The following FAM222A variants were observed in gnomAD, a reference collection of about 807,000 sequenced individuals.
The protein encoded by FAM222A is family with sequence similarity 222 member A, also known as protein FAM222A.
Under a neutral mutation model 25.8 loss-of-function variants are expected in FAM222A, and 7 were observed. That is an observed-to-expected ratio of 0.27 (90% confidence interval 0.15 to 0.51). The LOEUF is 0.51. FAM222A is among the 20% of genes least tolerant of loss of function. The probability of loss-of-function intolerance (pLI) is 0.97; values close to 1 mark genes in which losing one functional copy is unlikely to be tolerated. For synonymous variants in FAM222A, 294 were observed against 298.8 expected (o/e 0.98, Z 0.17); for missense variants, 573 against 640.5 (o/e 0.89, Z 1.14).
intron 1 of FAM222A, among the ~76,000 whole-genome samples, chr12:109,743,765 C>T (rs958847303): frequency 1.7e-4 from 26 of 152,268 alleles, no homozygotes; most frequent in Non-Finnish European, 1.0e-4. Context: ...CAGCCTGCTG[C>T]GGGGCACGGA....
chr12:109,767,852 G>A (rs1889100828), intron 2 of FAM222A, among the ~76,000 whole-genome samples, 160 bp from the exon 3 acceptor site: 1 of 152,334 alleles, frequency 6.6e-6, no homozygotes, highest in African/African-American at 2.4e-5. Context: ...GATGCAGGCA[G>A]TTCCCTGCAC....
intron 1 of FAM222A, among the ~76,000 whole-genome samples, chr12:109,743,555 C>G (rs937615356): frequency 1.8e-4 from 27 of 152,350 alleles, no homozygotes; most frequent in Admixed American, 1.6e-3. Context: ...CTTGTTCTCT[C>G]AGGAAAGCCA....
intron 1 of FAM222A, among the ~76,000 whole-genome samples, chr12:109,720,943 A>G (rs1887735068): frequency 1.3e-5 from 2 of 152,046 alleles, no homozygotes; most frequent in African/African-American, 4.8e-5. Context: ...CAGAGGTGGA[A>G]ACAATTACTT....
chr12:109,715,950 C>G (rs1887634832), intron 1 of FAM222A, among the ~76,000 whole-genome samples: 1 of 152,194 alleles, frequency 6.6e-6, no homozygotes, highest in Admixed American at 6.5e-5. Context: ...GGAGCTGCTG[C>G]CTGCTGCACC....
In FAM222A at chr12:109,728,822, G is replaced by A. The variant is rs549975367; in HGVS notation, c.-47+13925G>A. Among the ~76,000 whole-genome samples, 4 of 152,338 alleles carry A rather than the reference G, an allele frequency of 2.6e-5. No homozygotes were observed. In the South Asian group the frequency reaches 8.3e-4, roughly 32 times the overall value. On this transcript the variant is annotated intron_variant, in intron 1 of 2. Transcript: ENST00000538780. ...CAGACACAAACAGGTCAGTGACAGGGCTACACATCCAAGGATGGAATCAAG... is the reference window on the plus strand; with the variant it reads ...CAGACACAAACAGGTCAGTGACAGGACTACACATCCAAGGATGGAATCAAG...
At chr12:109,729,298 AAAAG>A (rs1887898291) in intron 1 of FAM222A, among the ~76,000 whole-genome samples, 1 of 152,248 alleles carries the variant, frequency 6.6e-6, no homozygotes, top group African/African-American at 2.4e-5. Flanking sequence ...GGCAAAGAAA[AAAAG>A]GTGTGGGCTG....
chr12:109,730,434 C>T (rs1887926395), intron 1 of FAM222A, among the ~76,000 whole-genome samples: 1 of 151,788 alleles, frequency 6.6e-6, no homozygotes, highest in South Asian at 2.1e-4. Flanking sequence ...CAGCCCACAC[C>T]ATTCATTTAG....
At chr12:109,750,071 A>T (rs1888520139) in intron 2 of FAM222A, among the ~76,000 whole-genome samples, 1 of 152,144 alleles carries the variant, frequency 6.6e-6, no homozygotes. Context: ...ATGTGGTCTT[A>T]GTTCAGTCAT....
chr12:109,762,292 G>C (rs746749374), intron 2 of FAM222A, among the ~76,000 whole-genome samples: 1 of 152,190 alleles, frequency 6.6e-6, no homozygotes, highest in African/African-American at 2.4e-5. Flanking sequence ...TGATGGTAGG[G>C]GCCATGGAAA....
chr12:109,741,774 G>C (rs1307484462), intron 1 of FAM222A, among the ~76,000 whole-genome samples: 1 of 152,212 alleles, frequency 6.6e-6, no homozygotes, highest in Non-Finnish European at 1.5e-5. Context: ...GGGTCACACA[G>C]GGTGTGCTGG....
Position 109,768,327 on chromosome 12 carries a change from G to T in FAM222A, c.398G>T (p.Arg133Leu), listed in dbSNP as rs779185499. The change falls in exon 3 of 3, where the codon CGG becomes CTG. Residue 133 changes from arginine to leucine, a missense_variant. Arg to Leu is a moderately radical substitution (Grantham distance 102). Around this residue, in one of 3 missense-constraint regions of FAM222A, gnomAD observed 412 missense variants for 407.0 expected, o/e 1.01. Coordinates refer to ENST00000538780, the MANE Select transcript of FAM222A (RefSeq NM_032829.3). ...GTGCTCAAGAGCGCCGAGGGCAAGC[G>T]GACCAAGCTGTCACCGGCCGCCGTG... ...KSVLKSAEGK[R>L]TKLSPAAVQV... The T allele has an allele frequency of 6.2e-7, 1 of 1,600,916 alleles. No homozygotes were observed. Among genetic ancestry groups the T allele is most frequent in the Non-Finnish European group, 8.5e-7 (1 of 1,175,612 alleles).
chr12:109,741,556 A>G (rs981547059), intron 1 of FAM222A, among the ~76,000 whole-genome samples: 1 of 152,196 alleles, frequency 6.6e-6, no homozygotes, highest in African/African-American at 2.4e-5. Flanking sequence ...TGCAGCCCCC[A>G]GCCCACCCTT....
chr12:109,730,587 G>A (rs1364544898), intron 1 of FAM222A, among the ~76,000 whole-genome samples: 1 of 152,170 alleles, frequency 6.6e-6, no homozygotes, highest in Non-Finnish European at 1.5e-5. Flanking sequence ...TCCTCGGAAG[G>A]ACCCCTCTTC....
At chr12:109,749,813 G>A (rs927273121) in intron 2 of FAM222A, among the ~76,000 whole-genome samples, 1 of 152,148 alleles carries the variant, frequency 6.6e-6, no homozygotes, top group Non-Finnish European at 1.5e-5. Context: ...TATCCTAAGA[G>A]ATAAAATTGA....
chr12:109,721,645 G>A (rs1887748333), intron 1 of FAM222A, among the ~76,000 whole-genome samples: 1 of 152,178 alleles, frequency 6.6e-6, no homozygotes, highest in Admixed American at 6.5e-5. Context: ...GAGGACCAGG[G>A]GGGACAGCGA....
Position 109,749,316 on chromosome 12 carries a change from G to A in FAM222A, c.82+5088G>A, listed in dbSNP as rs868047857. Among the ~76,000 whole-genome samples the A allele has an allele frequency of 5.9e-5, 9 of 152,274 alleles. 1 individual carries two copies. In the Middle Eastern group the frequency reaches 0.017, roughly 288 times the overall value. On this transcript the variant is annotated intron_variant, in intron 2 of 2. Transcript: ENST00000538780. ...AGACGGGGTTTCTCCGTGTTAGTCA[G>A]GCTGGTCTCAAACTCCCGGCCTCAG...
rs1034634299 is a variant in FAM222A at position 109,769,271 on chromosome 12, C to T, written c.1342C>T (p.Leu448=). The T allele has an allele frequency of 1.2e-6, 2 of 1,610,252 alleles. No individual in the cohort carries two copies. The highest frequency in any genetic ancestry group is 3.3e-5 in the Admixed American group (2 of 59,800). ...LLDHQHAHIR[L]PVYR is the part of the protein sequence containing the mutation. ...CGACCACCAGCATGCCCACATCCGC[C>T]TACCCGTCTACAGATAAGGCCTGCC... Residue 448 remains leucine, a synonymous_variant, in exon 3 of 3, where the codon CTA becomes TTA. Transcript: ENST00000538780.
At chr12:109,761,829 A>T (rs1263804874) in intron 2 of FAM222A, among the ~76,000 whole-genome samples, 1 of 151,878 alleles carries the variant, frequency 6.6e-6, no homozygotes, top group Non-Finnish European at 1.5e-5. Flanking sequence ...CCTGAGTCAG[A>T]TCTCTCCTCT....
chr12:109,754,664 CTCTT>C (rs1208028137), intron 2 of FAM222A, among the ~76,000 whole-genome samples: 1 of 146,554 alleles, frequency 6.8e-6, no homozygotes, highest in Non-Finnish European at 1.5e-5. Context: ...TAGTTTGGGA[CTCTT>C]TTTTTTTTTT....
Sources: allele counts gnomAD v4.1 joint callset (sites outside exome capture counted in the v4.1 genomes callset), GRCh38; gene constraint gnomAD v4.1.1; regional missense constraint gnomAD v4.1.1; transcripts MANE v1.5; gene names NCBI Gene and HGNC (gene_info 2026-07-23, HGNC 2026-07-21).